Variants in CES5A observed in about 807,000 individuals in gnomAD.
CES5A encodes the protein carboxylesterase 5A.
Under a neutral mutation model 62.9 loss-of-function variants are expected in CES5A, and 67 were observed. The observed-to-expected ratio is 1.07, with a 90% CI of 0.88 to 1.31. The LOEUF is 1.31. CES5A is among the 50% of genes most tolerant of loss of function. CES5A has a pLI of 0.00. For missense variants in CES5A, 748 were observed against 708.5 expected (o/e 1.06, Z -0.63); for synonymous variants, 296 against 280.8 (o/e 1.05, Z -0.54).
At position 55,894,009 on chromosome 16, in the gene CES5A, G is replaced by GA. The variant is rs35492397; in HGVS notation, c.-255-19973dup. On this transcript the variant is annotated intron_variant, in intron 1 of 12. Coordinates refer to the CES5A transcript ENST00000518005. ...AGAATAAAAGACACATTGGATTGTAGAAAAAAAGCAATAAGAATGGTGTCT... is the reference window on the plus strand; with the variant it reads ...AGAATAAAAGACACATTGGATTGTAGAAAAAAAAGCAATAAGAATGGTGTCT... 1.1e-4 allele frequency among the ~76,000 whole-genome samples: 16 copies of GA among 151,278 alleles called. No homozygotes were observed. The Middle Eastern group carries it at 0.01, about 96-fold the overall frequency.
intron 1 of CES5A, among the ~76,000 whole-genome samples, chr16:55,909,767 T>A (rs1215743183): frequency 2.0e-5 from 3 of 152,168 alleles, no homozygotes; most frequent in African/African-American, 7.2e-5. Context: ...CTGGGAAAGT[T>A]AGGAAATCTG....
intron 1 of CES5A, among the ~76,000 whole-genome samples, chr16:55,891,859 A>G (rs1409112990): frequency 6.6e-6 from 1 of 152,198 alleles, no homozygotes; most frequent in Non-Finnish European, 1.5e-5. Context: ...ACTCTAGCGT[A>G]ACATACGTGA....
intron 1 of CES5A, among the ~76,000 whole-genome samples, chr16:55,952,641 C>CA (rs1162096364): frequency 6.6e-6 from 1 of 151,956 alleles, no homozygotes; most frequent in Non-Finnish European, 1.5e-5. Flanking sequence ...CAAAACATTT[C>CA]AAAATCTAAT....
Position 55,852,890 on chromosome 16 carries a change from A to G in CES5A, c.1264T>C (p.Tyr422His), listed in dbSNP as rs758216043. The G allele has an allele frequency of 1.9e-6, 3 of 1,613,180 alleles. No individual in the cohort carries two copies. The highest frequency in any genetic ancestry group is 1.8e-4 in the Middle Eastern group (1 of 5,710). ...FVVPALITAR[Y>H]HRDAGAPVYF... ...ATGCTCAGATACTCACCTCTGTGAT[A>G]TCGAGCTGTGATCAGTGCAGGGACC... The change falls in exon 10 of 13, where the codon TAT becomes CAT. Residue 422 changes from tyrosine to histidine, a missense_variant. Physicochemically the swap from Tyr to His is moderately conservative, Grantham distance 83 (BLOSUM62 2). Transcript: ENST00000290567.
At chr16:55,865,619 T>C (rs144674229) in intron 5 of CES5A, among the ~76,000 whole-genome samples, 1 of 152,356 alleles carries the variant, frequency 6.6e-6, no homozygotes, top group East Asian at 1.9e-4. Flanking sequence ...TACATGTATC[T>C]TTTGGCATTT....
intron 2 of CES5A, among the ~76,000 whole-genome samples, chr16:55,938,314 C>T (rs566067412): frequency 2.0e-5 from 3 of 152,118 alleles, no homozygotes; most frequent in Admixed American, 6.6e-5. Context: ...AGCTTCTCTG[C>T]CCATTTTTCA....
chr16:55,854,170 G>A (rs1453924023), intron 9 of CES5A, among the ~76,000 whole-genome samples: 1 of 152,124 alleles, frequency 6.6e-6, no homozygotes, highest in Admixed American at 6.5e-5. Flanking sequence ...AAAATCCTAG[G>A]GTTCTGGGGT....
At position 55,914,258 on chromosome 16, in the gene CES5A, A is replaced by G. The variant is rs146172977; in HGVS notation, c.-256+11065T>C. Among the ~76,000 whole-genome samples, 161 of 152,292 alleles carry G rather than the reference A, an allele frequency of 1.1e-3. 2 individuals carry two copies. In the East Asian group the frequency reaches 0.021, roughly 20 times the overall value. On this transcript the variant is annotated intron_variant, in intron 1 of 12. Transcript: ENST00000518005. ...TGGGGAAAATAGTATCTACTTACAG[A>G]TAATCTCTTTGCATTAAATGAAAAT...
intron 2 of CES5A, among the ~76,000 whole-genome samples, chr16:55,945,570 C>T (rs1174191058): frequency 2.6e-5 from 4 of 152,204 alleles, no homozygotes; most frequent in East Asian, 1.9e-4. Flanking sequence ...TGGGGACTAA[C>T]GCTAACCTCT....
upstream of CES5A, among the ~76,000 whole-genome samples, chr16:55,930,079 T>C (rs1292238412): frequency 6.6e-6 from 1 of 152,008 alleles, no homozygotes; most frequent in Non-Finnish European, 1.5e-5. Flanking sequence ...TCACTAATGG[T>C]CAGATGGAAC....
chr16:55,869,407 G>T, intron 4 of CES5A: 1 of 984,184 alleles, frequency 1.0e-6, no homozygotes, highest in Non-Finnish European at 1.4e-6. Context: ...CTTTACCCAA[G>T]TGAGAAAGAG....
upstream of CES5A, among the ~76,000 whole-genome samples, chr16:55,927,762 A>G (rs1278227620): frequency 6.6e-6 from 1 of 152,214 alleles, no homozygotes; most frequent in South Asian, 2.1e-4. Context: ...CAGCAATCCC[A>G]TTACTGGATA....
At chr16:55,866,177 G>A in intron 4 of CES5A, 61 bp from the exon 5 acceptor site, 1 of 1,536,628 alleles carries the variant, frequency 6.5e-7, no homozygotes, top group African/African-American at 1.4e-5. Flanking sequence ...CCACAGCCCT[G>A]GAAGTTCTCA....
chr16:55,914,607 C>T (rs2034126718), intron 1 of CES5A, among the ~76,000 whole-genome samples: 1 of 152,230 alleles, frequency 6.6e-6, no homozygotes, highest in Non-Finnish European at 1.5e-5. Context: ...CTATCTAAGA[C>T]TCACTGCATC....
chr16:55,936,601 A>T (rs910986313), intron 2 of CES5A, among the ~76,000 whole-genome samples: 5 of 152,282 alleles, frequency 3.3e-5, no homozygotes, highest in Non-Finnish European at 7.4e-5. Flanking sequence ...GACTTTTAGT[A>T]GTAGGTGCTC....
intron 1 of CES5A, among the ~76,000 whole-genome samples, chr16:55,887,521 G>A (rs1419355222): frequency 6.6e-6 from 1 of 152,092 alleles, no homozygotes; most frequent in Non-Finnish European, 1.5e-5. Flanking sequence ...GATCCATCAG[G>A]GGTAAGAGTC....
chr16:55,904,292 A>T (rs28552413), intron 1 of CES5A, among the ~76,000 whole-genome samples: 8,367 of 152,314 alleles, frequency 0.055, 450 homozygotes, highest in African/African-American at 0.12. Context: ...ATGAAATATA[A>T]TTGTGCTTGT....
At chr16:55,934,914 G>A (rs760645536) in intron 2 of CES5A, among the ~76,000 whole-genome samples, 17 of 152,054 alleles carry the variant, frequency 1.1e-4, no homozygotes, top group Non-Finnish European at 1.6e-4. Flanking sequence ...AGAAGAACCC[G>A]TGTTTTTTGT....
At position 55,846,419 on chromosome 16, in the gene CES5A, A is replaced by G. The variant is rs1272149173; in HGVS notation, c.*32T>C. ...ATTGCGGGAGAAATTATGGGAGGAG[A>G]AGGGAAACCAAAATCACAGAAAGAT... On this transcript the variant is annotated 3_prime_UTR_variant, in exon 13 of 13. Transcript: ENST00000290567. 2 of 1,554,922 alleles carry G rather than the reference A, an allele frequency of 1.3e-6. No homozygotes were observed. The highest frequency in any genetic ancestry group is 1.4e-5 in the African/African-American group (1 of 73,348).
Sources: allele counts gnomAD v4.1 joint callset (sites outside exome capture counted in the v4.1 genomes callset), GRCh38; gene constraint gnomAD v4.1.1; transcripts MANE v1.5; gene names NCBI Gene and HGNC (gene_info 2026-07-23, HGNC 2026-07-21).